ADAM22: variants seen among roughly 807,000 people sequenced by gnomAD.
ADAM22 encodes disintegrin and metalloproteinase domain-containing protein 22.
ADAM22 carries 65 observed loss-of-function variants against 144.6 expected under a neutral mutation model. That is an observed-to-expected ratio of 0.45 (90% confidence interval 0.37 to 0.55). ADAM22 has a LOEUF of 0.55. Ranked by LOEUF, ADAM22 falls within the 20% of genes least tolerant of loss-of-function variation. The pLI is 0.00. For missense variants in ADAM22, 974 were observed against 1,184.9 expected (o/e 0.82, Z 2.61); for synonymous variants, 391 against 412.6 (o/e 0.95, Z 0.63).
At chr7:87,991,235 T>A (rs901456981) in intron 3 of ADAM22, among the ~76,000 whole-genome samples, 6 of 152,170 alleles carry the variant, frequency 3.9e-5, no homozygotes, top group African/African-American at 1.4e-4. Flanking sequence ...TTCTAGTTTT[T>A]TATGGTGACT....
At chr7:88,018,760 A>G (rs746311233) in intron 3 of ADAM22, among the ~76,000 whole-genome samples, 9 of 152,130 alleles carry the variant, frequency 5.9e-5, no homozygotes, top group Non-Finnish European at 1.2e-4. Flanking sequence ...CTGGAGATCA[A>G]ATGTTGTTTA....
At chr7:88,086,851 G>T (rs1360437618) in intron 4 of ADAM22, among the ~76,000 whole-genome samples, 1 of 152,036 alleles carries the variant, frequency 6.6e-6, no homozygotes, top group Non-Finnish European at 1.5e-5. Context: ...TAATATATGG[G>T]GCTAATTGAA....
At chr7:88,057,399 A>T (rs1371435964) in intron 3 of ADAM22, among the ~76,000 whole-genome samples, 1 of 152,252 alleles carries the variant, frequency 6.6e-6, no homozygotes, top group Non-Finnish European at 1.5e-5. Context: ...TCACAAAAAT[A>T]TGGTTAGGAA....
intron 3 of ADAM22, among the ~76,000 whole-genome samples, chr7:88,040,890 A>G (rs1332349126): frequency 6.6e-6 from 1 of 151,972 alleles, no homozygotes; most frequent in Non-Finnish European, 1.5e-5. Flanking sequence ...CTCGATGACT[A>G]AGGTCCCTGT....
At chr7:88,008,905 TAATAATAAAAAGAAA>T (rs1458848409) in intron 3 of ADAM22, among the ~76,000 whole-genome samples, 2 of 117,052 alleles carry the variant, frequency 1.7e-5, no homozygotes, top group African/African-American at 5.8e-5. Flanking sequence ...ATAATAATAA[TAATAATAAAAAGAAA>T]AAAAAGAAAA....
intron 25 of ADAM22, among the ~76,000 whole-genome samples, chr7:88,170,005 G>A (rs1843916503): frequency 6.6e-6 from 1 of 152,016 alleles, no homozygotes; most frequent in African/African-American, 2.4e-5. Flanking sequence ...ATTAAATTAT[G>A]TGTCTATTTG....
At chr7:87,974,860 C>T (rs1158871776) in intron 2 of ADAM22, among the ~76,000 whole-genome samples, 1 of 152,146 alleles carries the variant, frequency 6.6e-6, no homozygotes, top group Non-Finnish European at 1.5e-5. Flanking sequence ...AGGCTGTCTG[C>T]ATTCCTTGGT....
At chr7:88,148,295 T>C (rs1837190627) in intron 17 of ADAM22, among the ~76,000 whole-genome samples, 1 of 152,174 alleles carries the variant, frequency 6.6e-6, no homozygotes, top group South Asian at 2.1e-4. Flanking sequence ...GTACTTTAAC[T>C]ATATATCTCA....
At chr7:87,943,100 G>A (rs1842792770) in intron 2 of ADAM22, among the ~76,000 whole-genome samples, 1 of 149,744 alleles carries the variant, frequency 6.7e-6, no homozygotes, top group Non-Finnish European at 1.5e-5. Context: ...ATAAGGATTA[G>A]TATTTATTAA....
intron 2 of ADAM22, among the ~76,000 whole-genome samples, chr7:87,948,991 G>T (rs1217874301): frequency 1.3e-5 from 2 of 152,156 alleles, no homozygotes; most frequent in African/African-American, 4.8e-5. Context: ...CCATTTGTTA[G>T]TGATTGTATG....
In ADAM22 at chr7:88,185,205, T is replaced by G. The variant is rs567725226; in HGVS notation, c.2664-1410T>G. On this transcript the variant is annotated intron_variant, in intron 29 of 31. Coordinates refer to ENST00000413139, the MANE Select transcript of ADAM22 (RefSeq NM_001324418.2). ...ATTATGGCTAAAGGCAAAACTAGTG[T>G]GAGTTGTTTCTGAGTCAGGAGATAC... Among the ~76,000 whole-genome samples the G allele has an allele frequency of 5.9e-5, 9 of 152,300 alleles. 1 individual carries two copies. Among genetic ancestry groups the G allele is most frequent in the African/African-American group, 2.2e-4 (9 of 41,566 alleles).
At chr7:87,961,952 A>G (rs1263664234) in intron 2 of ADAM22, among the ~76,000 whole-genome samples, 1 of 152,216 alleles carries the variant, frequency 6.6e-6, no homozygotes, top group Non-Finnish European at 1.5e-5. Flanking sequence ...AATGAATCAT[A>G]TAACTCATCG....
intron 3 of ADAM22, 114 bp downstream of exon 3, chr7:87,978,526 A>G: frequency 1.1e-5 from 8 of 750,734 alleles, no homozygotes; most frequent in Middle Eastern, 2.4e-4. Flanking sequence ...CCGGTTAAAT[A>G]CTACATTTTA....
intron 3 of ADAM22, among the ~76,000 whole-genome samples, chr7:88,057,263 T>C (rs1203972291): frequency 6.6e-6 from 1 of 152,040 alleles, no homozygotes; most frequent in Non-Finnish European, 1.5e-5. Flanking sequence ...CCTGGCCACA[T>C]TTTTGAATCT....
chr7:87,954,250 C>T (rs927596367), intron 2 of ADAM22, among the ~76,000 whole-genome samples: 1 of 151,984 alleles, frequency 6.6e-6, no homozygotes, highest in Non-Finnish European at 1.5e-5. Flanking sequence ...ATGGTCTTTA[C>T]ATTTTGGCAT....
intron 24 of ADAM22, among the ~76,000 whole-genome samples, chr7:88,166,814 G>A (rs1843049679): frequency 6.6e-6 from 1 of 151,932 alleles, no homozygotes; most frequent in Non-Finnish European, 1.5e-5. Context: ...TTAGATAGAT[G>A]GATTTAAATG....
chr7:88,096,411 C>T (rs2129485829), intron 4 of ADAM22, among the ~76,000 whole-genome samples: 1 of 151,578 alleles, frequency 6.6e-6, no homozygotes, highest in African/African-American at 2.4e-5. Flanking sequence ...TTTCTATATG[C>T]ATCTAAGAAT....
At chr7:88,034,311 G>T (rs920077558) in intron 3 of ADAM22, among the ~76,000 whole-genome samples, 1 of 152,158 alleles carries the variant, frequency 6.6e-6, no homozygotes, top group Non-Finnish European at 1.5e-5. Context: ...TCCTTTTTGG[G>T]ATAGCGTGTG....
At chr7:88,154,017 A>C (rs1326418085) in intron 21 of ADAM22, among the ~76,000 whole-genome samples, 1 of 152,248 alleles carries the variant, frequency 6.6e-6, no homozygotes, top group Admixed American at 6.5e-5. Flanking sequence ...AACAGTACCC[A>C]GCACTGATTG....
Sources: allele counts gnomAD v4.1 joint callset (sites outside exome capture counted in the v4.1 genomes callset), GRCh38; gene constraint gnomAD v4.1.1; transcripts MANE v1.5; gene names NCBI Gene and HGNC (gene_info 2026-07-23, HGNC 2026-07-21).